NXPE2: variants seen among roughly 807,000 people sequenced by gnomAD.
The protein encoded by NXPE2 is NXPE family member 2.
NXPE2 carries 34 observed loss-of-function variants against 34.4 expected under a neutral mutation model. The ratio of observed to expected loss-of-function variants is 0.99; its 90% CI spans 0.75 to 1.31. The LOEUF (loss-of-function observed/expected upper bound fraction) is 1.31, where lower values mean the gene tolerates loss of function less well. NXPE2 is among the 40% of genes most tolerant of loss of function. The pLI, the probability that NXPE2 is intolerant of heterozygous loss-of-function variation, is 0.00. For missense variants in NXPE2, 649 were observed against 672.5 expected, an observed-to-expected ratio of 0.97 and a Z score of 0.39; for synonymous variants, 235 against 231.3, an observed-to-expected ratio of 1.02 and a Z score of -0.15.
the NXPE2 span, chr11:114,512,892 C>A: frequency 4.1e-6 from 1 of 242,528 alleles, no homozygotes; most frequent in African/African-American, 2.3e-5. Flanking sequence ...AGTTTGAAAC[C>A]AGAGCGCAAT....
At chr11:114,530,186 G>T in the NXPE2 span, 1 of 1,604,756 alleles carries the variant, frequency 6.2e-7, no homozygotes, top group South Asian at 1.1e-5. Context: ...TGTGGAAAAG[G>T]CTGTTTTCCT....
At chr11:114,574,215 G>A in the NXPE2 span, among the ~76,000 whole-genome samples, 2 of 152,056 alleles carry the variant, frequency 1.3e-5, no homozygotes, top group Non-Finnish European at 2.9e-5. Flanking sequence ...CAAAAGTGAT[G>A]TTAAGAGGAA....
At chr11:114,478,521 G>T in the NXPE2 span, among the ~76,000 whole-genome samples, 1 of 151,860 alleles carries the variant, frequency 6.6e-6, no homozygotes, top group Non-Finnish European at 1.5e-5. Context: ...TTATTTTTTT[G>T]GATTTGGGTT....
At chr11:114,669,701 G>T in the NXPE2 span, among the ~76,000 whole-genome samples, 1 of 152,018 alleles carries the variant, frequency 6.6e-6, no homozygotes. Flanking sequence ...AGGAAGAGAG[G>T]CAGGTCATAG....
chr11:114,758,526 G>A, the NXPE2 span, among the ~76,000 whole-genome samples: 1 of 152,250 alleles, frequency 6.6e-6, no homozygotes, highest in African/African-American at 2.4e-5. Context: ...TGGGATATAT[G>A]GCGATTTTTC....
chr11:114,530,553 G>T, the NXPE2 span: 1 of 1,614,014 alleles, frequency 6.2e-7, no homozygotes, highest in Non-Finnish European at 8.5e-7. Context: ...CTTTCCTGAA[G>T]CACCTGCCGT....
the NXPE2 span, among the ~76,000 whole-genome samples, chr11:114,800,390 A>G: frequency 6.6e-6 from 1 of 152,246 alleles, no homozygotes; most frequent in Non-Finnish European, 1.5e-5. Flanking sequence ...GCTACGCTAC[A>G]ATAAAATGTA....
chr11:114,484,373 G>A, the NXPE2 span, among the ~76,000 whole-genome samples: 1 of 152,116 alleles, frequency 6.6e-6, no homozygotes, highest in Non-Finnish European at 1.5e-5. Flanking sequence ...TAGAATTGAG[G>A]ACGTCCTTGA....
At chr11:114,475,251 T>G in the NXPE2 span, among the ~76,000 whole-genome samples, 10 of 91,782 alleles carry the variant, frequency 1.1e-4, 2 homozygotes, top group African/African-American at 4.6e-4. Flanking sequence ...TTTTTTTTTT[T>G]TTTTTTTTTT....
the NXPE2 span, among the ~76,000 whole-genome samples, chr11:114,477,146 T>C: frequency 6.6e-6 from 1 of 152,166 alleles, no homozygotes; most frequent in African/African-American, 2.4e-5. Context: ...AATGGACTTA[T>C]ATGTGGAATC....
chr11:114,781,786 G>A, the NXPE2 span, among the ~76,000 whole-genome samples: 5 of 152,138 alleles, frequency 3.3e-5, no homozygotes, highest in Non-Finnish European at 4.4e-5. Flanking sequence ...TCCACCAGGA[G>A]TACAAACAGA....
the NXPE2 span, among the ~76,000 whole-genome samples, chr11:114,734,907 A>G: frequency 1.3e-5 from 2 of 152,094 alleles, no homozygotes; most frequent in Non-Finnish European, 2.9e-5. Flanking sequence ...AGGAGATCAA[A>G]ACCATCCTGA....
At chr11:114,610,785 T>A in the NXPE2 span, among the ~76,000 whole-genome samples, 1 of 151,932 alleles carries the variant, frequency 6.6e-6, no homozygotes, top group Non-Finnish European at 1.5e-5. Flanking sequence ...TGTTACCCAG[T>A]GGATAATAAG....
the NXPE2 span, chr11:114,580,143 GC>G: frequency 6.2e-7 from 1 of 1,613,146 alleles, no homozygotes; most frequent in Non-Finnish European, 8.5e-7. Flanking sequence ...GTTGATACTG[GC>G]TTTGAAGTAT....
At chr11:114,480,923 G>T in the NXPE2 span, among the ~76,000 whole-genome samples, 1 of 152,284 alleles carries the variant, frequency 6.6e-6, no homozygotes, top group East Asian at 1.9e-4. Flanking sequence ...ATTCCTTTGA[G>T]AAATCTCTAG....
chr11:114,588,736 T>C, the NXPE2 span, among the ~76,000 whole-genome samples: 3 of 152,074 alleles, frequency 2.0e-5, no homozygotes, highest in African/African-American at 7.2e-5. Context: ...CTCTAAACTG[T>C]CCATGGTAGA....
chr11:114,793,758 G>T, the NXPE2 span, among the ~76,000 whole-genome samples: 3 of 152,124 alleles, frequency 2.0e-5, no homozygotes, highest in South Asian at 6.2e-4. Context: ...AGAACTGAAG[G>T]ATATATACAT....
At chr11:114,633,271 G>T in the NXPE2 span, among the ~76,000 whole-genome samples, 1 of 132,898 alleles carries the variant, frequency 7.5e-6, no homozygotes, top group Admixed American at 8.1e-5. Flanking sequence ...ATGTTATATA[G>T]TATTATGTTA....
chr11:114,808,666 G>C, the NXPE2 span, among the ~76,000 whole-genome samples: 1 of 150,216 alleles, frequency 6.7e-6, no homozygotes, highest in African/African-American at 2.5e-5. Flanking sequence ...TCTCTGAATA[G>C]ACCAATAACA....
Sources: allele counts gnomAD v4.1 joint callset (sites outside exome capture counted in the v4.1 genomes callset), GRCh38; gene constraint gnomAD v4.1.1; transcripts MANE v1.5; gene names NCBI Gene and HGNC (gene_info 2026-07-23, HGNC 2026-07-21).